FOXN1: variants seen among roughly 807,000 people sequenced by gnomAD.
The protein encoded by FOXN1 is forkhead box protein N1.
FOXN1 carries 15 observed loss-of-function variants against 49.0 expected under a neutral mutation model. The ratio of observed to expected loss-of-function variants is 0.31; its 90% CI spans 0.20 to 0.47. The LOEUF (loss-of-function observed/expected upper bound fraction) is 0.47, where lower values mean the gene tolerates loss of function less well. FOXN1 is among the 20% of genes least tolerant of loss of function. The pLI, the probability that FOXN1 is intolerant of heterozygous loss-of-function variation, is 1.00. For synonymous variants in FOXN1, 356 were observed against 369.0 expected (o/e 0.96, Z 0.40); for missense variants, 800 against 842.8 (o/e 0.95, Z 0.63).
chr17:28,510,536 T>C (rs1340522383), intron 1 of FOXN1, among the ~76,000 whole-genome samples: 1 of 143,608 alleles, frequency 7.0e-6, no homozygotes, highest in African/African-American at 2.6e-5. Flanking sequence ...TCGGAAGGCA[T>C]AGAATGTACA....
At chr17:28,511,941 C>A (rs1002187293) in intron 1 of FOXN1, among the ~76,000 whole-genome samples, 2 of 152,198 alleles carry the variant, frequency 1.3e-5, no homozygotes, top group African/African-American at 4.8e-5. Context: ...ATCACTGCCA[C>A]AGCCCAACAA....
At chr17:28,509,980 A>T (rs749644718) in intron 1 of FOXN1, among the ~76,000 whole-genome samples, 17 of 152,176 alleles carry the variant, frequency 1.1e-4, no homozygotes, top group Non-Finnish European at 2.4e-4. Context: ...GAATTCGCTG[A>T]ATCGTGATCT....
At chr17:28,521,085 CGT>C (rs1157317857) in intron 1 of FOXN1, among the ~76,000 whole-genome samples, 1 of 152,224 alleles carries the variant, frequency 6.6e-6, no homozygotes, top group Non-Finnish European at 1.5e-5. Context: ...GCCAGCACCT[CGT>C]GCACACCATC....
intron 4 of FOXN1, among the ~76,000 whole-genome samples, chr17:28,527,832 G>T (rs532011870): frequency 6.6e-6 from 1 of 152,316 alleles, no homozygotes; most frequent in East Asian, 1.9e-4. Flanking sequence ...TGTGGGCTTA[G>T]GGGACCTTCC....
In FOXN1 at chr17:28,534,184, G is replaced by A; in HGVS notation, c.928-147G>A. 1 of 1,120,876 alleles carries A rather than the reference G, an allele frequency of 8.9e-7. No individual in the cohort carries two copies. Among genetic ancestry groups the A allele is most frequent in the Non-Finnish European group, 1.3e-6 (1 of 761,566 alleles). 69.4% of individuals were successfully genotyped at this position (1,120,876 alleles called of 1,614,324 possible). ...TACCACCAAAGGGTACCAAGCAAGG[G>A]ATGGGTGCTGAGGAGGACAACAAGC... On this transcript the variant is annotated intron_variant, in intron 6 of 8. Transcript: ENST00000579795. This position sits in a 1 kb window ranked among gnomAD's most constrained non-coding sequence, Gnocchi z 4.1.
intron 1 of FOXN1, among the ~76,000 whole-genome samples, chr17:28,518,225 C>T (rs140836302): frequency 1.5e-3 from 231 of 152,010 alleles, no homozygotes; most frequent in African/African-American, 5.2e-3. Flanking sequence ...GCAGGGTACA[C>T]TCCTCCACCA....
intron 1 of FOXN1, among the ~76,000 whole-genome samples, chr17:28,517,195 A>T (rs139431357): frequency 1.1e-5 from 1 of 91,232 alleles, no homozygotes; most frequent in Non-Finnish European, 2.3e-5. Context: ...CCTCCACAGG[A>T]TACACACCTC....
chr17:28,529,357 A>T, intron 5 of FOXN1, 133 bp downstream of exon 5: 1 of 1,126,898 alleles, frequency 8.9e-7, no homozygotes, highest in Non-Finnish European at 1.3e-6. Context: ...CTTCCAGAAG[A>T]TGCTGGAGAG....
chr17:28,517,854 C>T (rs1182899942), intron 1 of FOXN1, among the ~76,000 whole-genome samples: 1 of 147,848 alleles, frequency 6.8e-6, no homozygotes, highest in African/African-American at 2.6e-5. Flanking sequence ...GGATACACAC[C>T]TCCACAGGAT....
chr17:28,510,781 C>A (rs1383588479), intron 1 of FOXN1, among the ~76,000 whole-genome samples: 2 of 152,204 alleles, frequency 1.3e-5, no homozygotes, highest in African/African-American at 4.8e-5. Context: ...CATGTGGCTT[C>A]ATAGAGGTGG....
chr17:28,524,520 C>T lies in FOXN1; in HGVS notation c.141C>T (p.Ser47=). 1 of 1,613,780 alleles carries T rather than the reference C, an allele frequency of 6.2e-7. No individual in the cohort carries two copies. Among genetic ancestry groups the T allele is most frequent in the Non-Finnish European group, 8.5e-7 (1 of 1,180,012 alleles). The part of the protein sequence containing the change: ...PAPQSKHAGF[S]CSSFVSDGPP... ...CTACCCAGAAGCATGCCGGCTTCAG[C>T]TGCTCGTCATTTGTGTCCGACGGCC... Residue 47 remains serine (S), a synonymous_variant, in exon 3 of 9, where the codon AGC becomes AGT. Transcript: ENST00000579795.
intron 6 of FOXN1, among the ~76,000 whole-genome samples, chr17:28,531,203 C>T (rs1450300021): frequency 6.6e-6 from 1 of 152,220 alleles, no homozygotes; most frequent in East Asian, 1.9e-4. Context: ...GCTACCCCGA[C>T]CGCTGGGATG....
chr17:28,536,379 T>G (rs972625586), intron 8 of FOXN1, among the ~76,000 whole-genome samples: 1 of 152,242 alleles, frequency 6.6e-6, no homozygotes, highest in African/African-American at 2.4e-5. Flanking sequence ...CTTTCTCATC[T>G]GGGCCTAGAG....
At chr17:28,517,124 A>C (rs2069526262) in intron 1 of FOXN1, among the ~76,000 whole-genome samples, 1 of 119,494 alleles carries the variant, frequency 8.4e-6, no homozygotes, top group South Asian at 2.8e-4. Flanking sequence ...ATACCTCAAA[A>C]GGGTACACAT....
rs963520404 is a variant in FOXN1, at chr17:28,524,013, G to A, written c.44G>A (p.Gly15Asp). 1.9e-6 allele frequency: 3 copies of A among 1,612,872 alleles called. No homozygotes were observed. The highest frequency in any genetic ancestry group is 2.5e-6 in the Non-Finnish European group (3 of 1,179,888). Reference sequence around the variant, plus strand: ...CCGCAGTCTGACGTCACGCTGCCGGGCCCCACCAGACTGGAGGGCGAGCGC... The same window carrying A: ...CCGCAGTCTGACGTCACGCTGCCGGACCCCACCAGACTGGAGGGCGAGCGC... ...PPPQSDVTLP[G>D]PTRLEGERQG... The change falls in exon 2 of 9, where the codon GGC becomes GAC. Residue 15 changes from glycine (G) to aspartate (D), a missense_variant. Gly to Asp is a moderately conservative substitution (Grantham distance 94). Around this residue, in one of 3 missense-constraint regions of FOXN1, gnomAD observed 383 missense variants for 357.9 expected, o/e 1.07. Transcript: ENST00000579795.
In FOXN1 at chr17:28,524,984, A is replaced by C. The variant is rs773039768; in HGVS notation, c.588+17A>C. ...CAAGTCCTGGTGAGTACTAGTGGCC[A>C]GCGAGTGTCCCATCTTCCCACTGTC... On this transcript the variant is annotated intron_variant, in intron 3 of 8. Transcript: ENST00000579795. The C allele has an allele frequency of 7.6e-6, 12 of 1,570,986 alleles. No homozygotes were observed. The highest frequency in any genetic ancestry group is 1.0e-5 in the Non-Finnish European group (12 of 1,149,182).
chr17:28,515,180 G>A (rs1466311302), intron 1 of FOXN1, among the ~76,000 whole-genome samples: 1 of 152,002 alleles, frequency 6.6e-6, no homozygotes, highest in Admixed American at 6.5e-5. Context: ...GCAGAGGAGG[G>A]GTGAGGTCCC....
chr17:28,523,088 C>T (rs2069674552), intron 1 of FOXN1, among the ~76,000 whole-genome samples: 1 of 152,222 alleles, frequency 6.6e-6, no homozygotes, highest in South Asian at 2.1e-4. Flanking sequence ...CCTGAGTCCT[C>T]TTAACCACCC....
At chr17:28,519,700 T>C (rs1273371500) in intron 1 of FOXN1, among the ~76,000 whole-genome samples, 1 of 151,988 alleles carries the variant, frequency 6.6e-6, no homozygotes, top group Non-Finnish European at 1.5e-5. Flanking sequence ...CAGAGAGACC[T>C]CCCGAGAGAT....
Sources: allele counts gnomAD v4.1 joint callset (sites outside exome capture counted in the v4.1 genomes callset), GRCh38; gene constraint gnomAD v4.1.1; regional missense constraint gnomAD v4.1.1; non-coding constraint Gnocchi (gnomAD v3.1); transcripts MANE v1.5; gene names NCBI Gene and HGNC (gene_info 2026-07-23, HGNC 2026-07-21).